The following GOLGA6D variants were observed in gnomAD, a reference collection of about 807,000 sequenced individuals.
GOLGA6D encodes the protein golgin A6 family member D, also known as golgin subfamily A member 6D.
A neutral mutation model predicts 42.1 loss-of-function variants in GOLGA6D; 9 were observed. The observed-to-expected ratio is 0.21, with a 90% CI of 0.13 to 0.37. The LOEUF (loss-of-function observed/expected upper bound fraction) is 0.37. Among genes scored for constraint, GOLGA6D ranks in the 10% least tolerant of loss-of-function variants. The pLI, the probability that GOLGA6D is intolerant of heterozygous loss-of-function variation, is 1.00. For missense variants in GOLGA6D, 87 were observed against 420.8 expected (o/e 0.21, Z 6.94); for synonymous variants, 39 against 167.3 (o/e 0.23, Z 5.92).
chr15:75,277,793 C>A, the GOLGA6D span, among the ~76,000 whole-genome samples: 3 of 147,864 alleles, frequency 2.0e-5, no homozygotes, highest in Non-Finnish European at 4.4e-5. Context: ...CAGAGTGACA[C>A]CCTGTCTTAA....
rs749222275 is a variant in GOLGA6D at position 75,288,283 on chromosome 15, C to T, written c.483C>T (p.Arg161=). The T allele has an allele frequency of 5.1e-6, 8 of 1,561,824 alleles. 1 individual carries two copies. The Admixed American group carries it at 1.4e-4, about 28-fold the overall frequency. ...AAGAGTCCAAGGATCTGGCTGGCCG[C>T]CTGCAATACTCCTTACAGCATATTC... ...FEEESKDLAG[R]LQYSLQHIQE... Residue 161 remains arginine, a synonymous_variant, in exon 7 of 18, where the codon CGC becomes CGT. Transcript: ENST00000434739.
In GOLGA6D at chr15:75,294,565, G is replaced by A. The variant is rs2070896347; in HGVS notation, c.*90G>A. 2.0e-5 allele frequency: 23 copies of A among 1,164,066 alleles called. No individual in the cohort carries two copies. In the South Asian group the frequency reaches 3.5e-4, roughly 18 times the overall value. The allele number at this position is 1,164,066 out of a possible 1,614,324, so 72.1% of individuals were successfully genotyped here. On this transcript the variant is annotated 3_prime_UTR_variant, in exon 18 of 18. Transcript: ENST00000434739. ...AGATAAACATCATCATCTTCTAAGA[G>A]CTGGTCAAGAAATTTAAAACAACAA...
intron 9 of GOLGA6D, 30 bp from the exon 10 acceptor site, chr15:75,289,862 C>T: frequency 5.9e-6 from 1 of 170,006 alleles, no homozygotes; most frequent in East Asian, 1.2e-4. Flanking sequence ...GCCCCTCTCT[C>T]CAGGGCCCTT....
chr15:75,289,255 G>A lies in GOLGA6D; in HGVS notation c.565-142G>A, dbSNP rs2141649058. 1.3e-5 allele frequency: 8 copies of A among 608,186 alleles called. 1 individual carries two copies. In the East Asian group the frequency reaches 2.3e-4, roughly 18 times the overall value. The allele number at this position is 608,186 out of a possible 1,614,324, so 37.7% of individuals were successfully genotyped here. ...TTTCCCTCTCCCTTCCAACTTTACT[G>A]AGTTCTTTTAATAACCAGGCCACGG... On this transcript the variant is annotated intron_variant, in intron 7 of 17. Coordinates refer to ENST00000434739, the MANE Select transcript of GOLGA6D (RefSeq NM_001145224.3).
chr15:75,276,152 C>T, the GOLGA6D span, among the ~76,000 whole-genome samples: 3 of 139,166 alleles, frequency 2.2e-5, no homozygotes, highest in African/African-American at 1.0e-4. Context: ...GTCTTGAATG[C>T]CCCCTCACCC....
At chr15:75,278,607 G>A (rs1267055939), upstream of GOLGA6D, among the ~76,000 whole-genome samples, 3 of 151,548 alleles carry the variant, frequency 2.0e-5, no homozygotes, top group African/African-American at 7.4e-5. Flanking sequence ...GGGGCTTCCT[G>A]TTCCACAAGC....
At position 75,294,329 on chromosome 15, in the gene GOLGA6D, C is replaced by G. The variant is rs764443917; in HGVS notation, c.1955-19C>G. The G allele has an allele frequency of 1.9e-6, 3 of 1,584,336 alleles. 1 individual carries two copies. In the South Asian group the frequency reaches 3.4e-5, roughly 18 times the overall value. On this transcript the variant is annotated intron_variant, in intron 17 of 17. Coordinates refer to ENST00000434739, the MANE Select transcript of GOLGA6D (RefSeq NM_001145224.3). Reference sequence around the variant, plus strand: ...GAGGCTCGCACTGTGCTCAGACCCCCGCCTCCCTCTCTCCGAAGTTTTTTA... The same window carrying G: ...GAGGCTCGCACTGTGCTCAGACCCCGGCCTCCCTCTCTCCGAAGTTTTTTA...
chr15:75,288,697 C>T (rs1375465813), intron 7 of GOLGA6D, among the ~76,000 whole-genome samples: 47 of 121,766 alleles, frequency 3.9e-4, no homozygotes, highest in Non-Finnish European at 6.0e-4. Flanking sequence ...AGTATGTTAC[C>T]ATTTCTGTAG....
At position 75,294,492 on chromosome 15, in the gene GOLGA6D, C is replaced by G. The variant is rs749419894; in HGVS notation, c.*17C>G. ...GACACCTAGGAGCACCCAGGCTTGC[C>G]CAGCAAACCCTGCGTGCCATTCTTC... is the stretch of plus-strand genomic sequence containing the variant. On this transcript the variant is annotated 3_prime_UTR_variant, in exon 18 of 18. Transcript: ENST00000434739. 6.4e-7 allele frequency: 1 copy of G among 1,558,654 alleles called. No homozygotes were observed. The highest frequency in any genetic ancestry group is 8.6e-7 in the Non-Finnish European group (1 of 1,158,570).
upstream of GOLGA6D, among the ~76,000 whole-genome samples, chr15:75,278,853 G>T (rs1222143790): frequency 6.6e-6 from 1 of 151,490 alleles, no homozygotes; most frequent in Non-Finnish European, 1.5e-5. Flanking sequence ...TGTATCAGAT[G>T]CTTCAAAAGT....
chr15:75,288,986 G>A lies in GOLGA6D; in HGVS notation c.565-411G>A, dbSNP rs1310233404. Reference sequence around the variant, plus strand: ...GATAGACCTGGGTGTTCAAATCCCAGCTCTGTCTAAGTGATCTTAGGCAAG... The same window carrying A: ...GATAGACCTGGGTGTTCAAATCCCAACTCTGTCTAAGTGATCTTAGGCAAG... On this transcript the variant is annotated intron_variant, in intron 7 of 17. Coordinates refer to ENST00000434739, the MANE Select transcript of GOLGA6D (RefSeq NM_001145224.3). 2.5e-4 allele frequency among the ~76,000 whole-genome samples: 31 copies of A among 124,060 alleles called. No homozygotes were observed. In the East Asian group the frequency reaches 2.5e-3, roughly 10 times the overall value. The allele number at this position is 124,060 out of a possible 152,430, so 81.4% of individuals were successfully genotyped here. A position where few individuals can be genotyped will look rare whatever the true frequency, so the allele number is the denominator to read the frequency against.
intron 14 of GOLGA6D, among the ~76,000 whole-genome samples, chr15:75,293,473 T>C (rs894308088): frequency 2.1e-5 from 3 of 145,604 alleles, no homozygotes; most frequent in African/African-American, 5.3e-5. Context: ...GGCACGGCTA[T>C]GTGGGCAGCG....
rs745808317 is a variant in GOLGA6D, at chr15:75,294,428, A to C, written c.2035A>C (p.Thr679Pro). 107 of 1,597,504 alleles carry C rather than the reference A, an allele frequency of 6.7e-5. 6 individuals carry two copies. Among genetic ancestry groups the C allele is most frequent in the Middle Eastern group, 5.7e-4 (3 of 5,308 alleles). ...GGAGGGTTCTCCCCATAACAACCCC[A>C]CTGTACAGCAGATCGTGCAGCTGTC... Reference protein sequence around the residue: ...AREGSPHNNPTVQQIVQLSPV... With the variant: ...AREGSPHNNPPVQQIVQLSPV... Residue 679 changes from threonine to proline, a missense_variant, in exon 18 of 18, where the codon ACT becomes CCT. Coordinates refer to ENST00000434739, the MANE Select transcript of GOLGA6D (RefSeq NM_001145224.3).
chr15:75,294,314 C>A (rs759630429), intron 17 of GOLGA6D, 34 bp from the exon 18 acceptor site: 2 of 1,563,682 alleles, frequency 1.3e-6, no homozygotes, highest in Non-Finnish European at 1.7e-6. Context: ...GAGGCTCGCA[C>A]TGTGCTCAGA....
chr15:75,278,740 T>TACTG (rs2070836648), upstream of GOLGA6D, among the ~76,000 whole-genome samples: 3 of 151,848 alleles, frequency 2.0e-5, no homozygotes, highest in Non-Finnish European at 4.4e-5. Context: ...TCTAGAAAGT[T>TACTG]GAGAGATTCC....
At chr15:75,276,163 C>T in the GOLGA6D span, among the ~76,000 whole-genome samples, 18 of 151,400 alleles carry the variant, frequency 1.2e-4, no homozygotes, top group African/African-American at 2.2e-4. Context: ...CCCCTCACCC[C>T]CATGGGGAAG....
At chr15:75,278,627 T>C (rs565512179), upstream of GOLGA6D, among the ~76,000 whole-genome samples, 2 of 151,710 alleles carry the variant, frequency 1.3e-5, no homozygotes, top group Non-Finnish European at 2.9e-5. Flanking sequence ...CTGCCCTCTC[T>C]TTTTCCTCTC....
the GOLGA6D span, among the ~76,000 whole-genome samples, chr15:75,276,162 C>A: frequency 6.6e-6 from 1 of 151,528 alleles, no homozygotes; most frequent in Non-Finnish European, 1.5e-5. Context: ...CCCCCTCACC[C>A]CCATGGGGAA....
intron 7 of GOLGA6D, among the ~76,000 whole-genome samples, chr15:75,288,738 T>G (rs1459388831): frequency 7.3e-6 from 1 of 137,886 alleles, no homozygotes; most frequent in African/African-American, 2.9e-5. Flanking sequence ...TGTGTGTGTG[T>G]GTGTGTGTGT....
Sources: gnomAD v4.1 joint callset for allele counts (sites outside exome capture counted in the v4.1 genomes callset) on GRCh38, gnomAD v4.1.1 for gene constraint, MANE v1.5 for transcripts, NCBI Gene and HGNC (gene_info 2026-07-23, HGNC 2026-07-21) for gene names.